The following RAP1GDS1 variants were observed in gnomAD, a reference collection of about 807,000 sequenced individuals.
RAP1GDS1 encodes the protein Rap1 GTPase-GDP dissociation stimulator 1.
A neutral mutation model predicts 71.1 loss-of-function variants in RAP1GDS1; 35 were observed. The observed-to-expected ratio is 0.49, with a 90% CI of 0.38 to 0.65. The LOEUF (loss-of-function observed/expected upper bound fraction) is 0.65, where lower values mean the gene tolerates loss of function less well. Among genes scored for constraint, RAP1GDS1 ranks in the 30% least tolerant of loss-of-function variants. RAP1GDS1 has a pLI of 0.00. For missense variants in RAP1GDS1, 663 were observed against 706.1 expected, an observed-to-expected ratio of 0.94 and a Z score of 0.69; for synonymous variants, 229 against 243.1, an observed-to-expected ratio of 0.94 and a Z score of 0.54.
intron 2 of RAP1GDS1, among the ~76,000 whole-genome samples, chr4:98,326,335 C>T (rs1733079615): frequency 6.6e-6 from 1 of 152,136 alleles, no homozygotes; most frequent in Non-Finnish European, 1.5e-5. Context: ...ATCTTTTAAC[C>T]TTTGGGTAAT....
At chr4:98,331,845 G>C (rs188282878) in intron 2 of RAP1GDS1, among the ~76,000 whole-genome samples, 150 of 152,216 alleles carry the variant, frequency 9.9e-4, no homozygotes, top group African/African-American at 3.3e-3. Flanking sequence ...CAAAACACTT[G>C]AACAAAACAG....
chr4:98,339,756 T>C (rs1735218026), intron 2 of RAP1GDS1, among the ~76,000 whole-genome samples: 1 of 152,182 alleles, frequency 6.6e-6, no homozygotes, highest in Admixed American at 6.5e-5. Flanking sequence ...GAAATGAAGT[T>C]AAAACTTTGT....
At chr4:98,350,962 TATC>T (rs1181419717) in intron 3 of RAP1GDS1, among the ~76,000 whole-genome samples, 3 of 152,310 alleles carry the variant, frequency 2.0e-5, no homozygotes, top group Non-Finnish European at 4.4e-5. Flanking sequence ...AGTGAGCCAT[TATC>T]ATGCCATTAC....
At chr4:98,277,511 T>C (rs544067778) in intron 1 of RAP1GDS1, among the ~76,000 whole-genome samples, 44 of 152,310 alleles carry the variant, frequency 2.9e-4, no homozygotes, top group African/African-American at 1.0e-3. Context: ...ATAACACCAG[T>C]ATATCTTTGA....
At chr4:98,372,746 G>A (rs567441600) in intron 4 of RAP1GDS1, among the ~76,000 whole-genome samples, 29 of 152,116 alleles carry the variant, frequency 1.9e-4, no homozygotes, top group African/African-American at 7.0e-4. Flanking sequence ...GTGTAGTAGT[G>A]CAATCATGGC....
At chr4:98,404,857 T>A (rs2110155416) in intron 7 of RAP1GDS1, among the ~76,000 whole-genome samples, 1 of 152,264 alleles carries the variant, frequency 6.6e-6, no homozygotes, top group African/African-American at 2.4e-5. Flanking sequence ...CTTGTGCCAT[T>A]CTGGAAAAGG....
rs1752074941 is a variant in RAP1GDS1 at position 98,443,017 on chromosome 4, T to TTTTTTTTTTTTTTTTTTTTTTTC, written c.*921_*922insTCTTTTTTTTTTTTTTTTTTTTT. On this transcript the variant is annotated 3_prime_UTR_variant, in exon 15 of 15. Coordinates refer to ENST00000408927, the MANE Select transcript of RAP1GDS1 (RefSeq NM_001100427.2). ...AGTATAGTTCATTGAAGAATGGAAT[T>TTTTTTTTTTTTTTTTTTTTTTTC]TTTTTTTTTTTTTTTTTTTTTGCTG... The TTTTTTTTTTTTTTTTTTTTTTTC allele has an allele frequency of 6.3e-6, 1 of 157,872 alleles. No individual in the cohort carries two copies. Among genetic ancestry groups the TTTTTTTTTTTTTTTTTTTTTTTC allele is most frequent in the African/African-American group, 2.8e-5 (1 of 35,608 alleles). The allele number at this position is 157,872 out of a possible 1,614,324, so 9.8% of individuals were successfully genotyped here.
At chr4:98,309,356 T>G (rs1317125625) in intron 2 of RAP1GDS1, among the ~76,000 whole-genome samples, 2 of 152,032 alleles carry the variant, frequency 1.3e-5, no homozygotes, top group African/African-American at 4.8e-5. Flanking sequence ...TTGGAAGAGA[T>G]ATTACACCAT....
chr4:98,346,453 T>TTTTTTTTCAA (rs1736273059), intron 3 of RAP1GDS1, among the ~76,000 whole-genome samples: 3 of 152,152 alleles, frequency 2.0e-5, no homozygotes, highest in Admixed American at 2.0e-4. Flanking sequence ...TTGAATAAAG[T>TTTTTTTTCAA]TGAGACTCCA....
Position 98,433,812 on chromosome 4 carries a change from T to G in RAP1GDS1, c.1441-124T>G, listed in dbSNP as rs1750785761. The G allele has an allele frequency of 1.1e-5, 9 of 845,684 alleles. No homozygotes were observed. The South Asian group carries it at 2.2e-4, about 21-fold the overall frequency. The allele number at this position is 845,684 out of a possible 1,614,324, so 52.4% of individuals were successfully genotyped here. On this transcript the variant is annotated intron_variant, in intron 12 of 14. Transcript: ENST00000408927. ...TCTTCTGTGGAGAAAAAAACTATGA[T>G]TAAATCAAATGATTCATACAGGACA... is the stretch of plus-strand genomic sequence containing the variant.
chr4:98,435,798 G>A (rs150705177), intron 13 of RAP1GDS1, among the ~76,000 whole-genome samples: 16 of 151,824 alleles, frequency 1.1e-4, no homozygotes, highest in Admixed American at 3.9e-4. Context: ...AGTTAATATC[G>A]GTATAAGTCA....
At chr4:98,371,439 T>C (rs1740369067) in intron 4 of RAP1GDS1, among the ~76,000 whole-genome samples, 1 of 152,056 alleles carries the variant, frequency 6.6e-6, no homozygotes, top group African/African-American at 2.4e-5. Flanking sequence ...TTTGTTGTTA[T>C]GTAATGTCCC....
chr4:98,283,436 C>T (rs577791494), intron 1 of RAP1GDS1, among the ~76,000 whole-genome samples: 4 of 152,004 alleles, frequency 2.6e-5, no homozygotes, highest in African/African-American at 9.7e-5. Flanking sequence ...ATGAGCAACA[C>T]AAGACTACCA....
chr4:98,283,071 T>G (rs1418530728), intron 1 of RAP1GDS1, among the ~76,000 whole-genome samples: 1 of 152,174 alleles, frequency 6.6e-6, no homozygotes, highest in Admixed American at 6.6e-5. Context: ...ATCAAAGTTT[T>G]TTTGACAAGA....
chr4:98,437,359 T>TC (rs1241609389), intron 14 of RAP1GDS1, among the ~76,000 whole-genome samples: 2 of 152,188 alleles, frequency 1.3e-5, no homozygotes, highest in African/African-American at 4.8e-5. Flanking sequence ...TCCCAAAAGA[T>TC]TCTCACTACA....
chr4:98,381,015 T>C (rs17027526), intron 5 of RAP1GDS1, among the ~76,000 whole-genome samples: 7,236 of 151,698 alleles, frequency 0.048, 418 homozygotes, highest in African/African-American at 0.14. Context: ...TATCCCAGTG[T>C]GTAGAGAAGT....
intron 1 of RAP1GDS1, among the ~76,000 whole-genome samples, chr4:98,266,474 A>G (rs567547788): frequency 2.0e-5 from 3 of 152,268 alleles, no homozygotes; most frequent in African/African-American, 7.2e-5. Flanking sequence ...GTAGATAGGT[A>G]TCAAACTTAT....
chr4:98,424,780 A>C (rs1382050167), intron 12 of RAP1GDS1, among the ~76,000 whole-genome samples: 1 of 150,858 alleles, frequency 6.6e-6, no homozygotes, highest in Non-Finnish European at 1.5e-5. Context: ...CAAAAAAAAA[A>C]AAAAAACAAA....
intron 1 of RAP1GDS1, among the ~76,000 whole-genome samples, chr4:98,275,036 G>T (rs984251264): frequency 6.6e-6 from 1 of 151,940 alleles, no homozygotes; most frequent in Non-Finnish European, 1.5e-5. Context: ...GTGTGTGTGT[G>T]TGTGTGTGTG....
Sources: allele counts gnomAD v4.1 joint callset (sites outside exome capture counted in the v4.1 genomes callset), GRCh38; gene constraint gnomAD v4.1.1; transcripts MANE v1.5; gene names NCBI Gene and HGNC (gene_info 2026-07-23, HGNC 2026-07-21).